CILK1: variants seen among roughly 807,000 people sequenced by gnomAD.
The protein encoded by CILK1 is serine/threonine-protein kinase ICK.
CILK1 carries 47 observed loss-of-function variants against 79.2 expected under a neutral mutation model. The ratio of observed to expected loss-of-function variants is 0.59; its 90% CI spans 0.47 to 0.76. CILK1 has a LOEUF of 0.76. CILK1 is among the 30% of genes least tolerant of loss of function. CILK1 has a pLI of 0.00. For missense variants in CILK1, 660 were observed against 769.5 expected, an observed-to-expected ratio of 0.86 and a Z score of 1.68; for synonymous variants, 266 against 275.9, an observed-to-expected ratio of 0.96 and a Z score of 0.36.
chr6:53,002,407 A>G lies in CILK1; in HGVS notation c.*2742T>C, dbSNP rs1237305528. Reference sequence around the variant, plus strand: ...TGATAGGTACAGTTACAGGTATATCATTTCTGTTGGTGTCTTACATTACAT... The same window carrying G: ...TGATAGGTACAGTTACAGGTATATCGTTTCTGTTGGTGTCTTACATTACAT... On this transcript the variant is annotated 3_prime_UTR_variant, in exon 14 of 14. Transcript: ENST00000676107. 6.6e-6 allele frequency: 1 copy of G among 152,184 alleles called. No homozygotes were observed. The highest frequency in any genetic ancestry group is 1.5e-5 in the Non-Finnish European group (1 of 68,034). The allele number at this position is 152,184 out of a possible 1,614,324, so 9.4% of individuals were successfully genotyped here. A position where few individuals can be genotyped will look rare whatever the true frequency, so the allele number is the denominator to read the frequency against.
In CILK1 at chr6:53,013,995, A is replaced by T. The variant is rs749681959; in HGVS notation, c.832-13T>A. The T allele has an allele frequency of 6.2e-7, 1 of 1,606,978 alleles. No individual in the cohort carries two copies. The highest frequency in any genetic ancestry group is 1.7e-5 in the Admixed American group (1 of 59,860). ...GATATCGAAGTGCCTGGAATGACAAATAAGGCTTTAGGAGAAAAGTCTAGC... is the reference window on the plus strand; with the variant it reads ...GATATCGAAGTGCCTGGAATGACAATTAAGGCTTTAGGAGAAAAGTCTAGC... On this transcript the variant is annotated splice_polypyrimidine_tract_variant and intron_variant, in intron 8 of 13. Transcript: ENST00000676107.
Position 53,037,950 on chromosome 6 carries a change from G to A in CILK1, c.145C>T (p.Arg49Trp), listed in dbSNP as rs757511087. 7.6e-6 allele frequency: 12 copies of A among 1,584,284 alleles called. No homozygotes were observed. The highest frequency in any genetic ancestry group is 4.0e-5 in the African/African-American group (3 of 74,226). Residue 49 changes from arginine (R) to tryptophan (W), a missense_variant, in exon 3 of 14, where the codon CGG becomes TGG. Arg to Trp is a moderately radical substitution (Grantham distance 101, BLOSUM62 -3). Transcript: ENST00000676107. ...FYSWEECMNL[R>W]EVKSLKKLNH... Reference sequence around the variant, plus strand: ...ATATTAATATATACCTTAACCTCCCGAAGGTTCATGCATTCCTCCCAGGAA... The same window carrying A: ...ATATTAATATATACCTTAACCTCCCAAAGGTTCATGCATTCCTCCCAGGAA...
At position 53,006,415 on chromosome 6, in the gene CILK1, A is replaced by G; in HGVS notation, c.1644T>C (p.Ser548=). The G allele has an allele frequency of 6.2e-7, 1 of 1,613,894 alleles. No individual in the cohort carries two copies. Among genetic ancestry groups the G allele is most frequent in the Non-Finnish European group, 8.5e-7 (1 of 1,179,790 alleles). Residue 548 remains serine, a synonymous_variant, in exon 13 of 14, where the codon TCT becomes TCC. Transcript: ENST00000676107. ...VNSVGSSSTS[S]SGLTGNYVPS... The stretch of plus-strand genomic sequence containing the variant: ...GGACATAGTTTCCAGTCAGTCCACT[A>G]GAACTTGTAGAGCTGGAACCAACTG...
chr6:53,005,826 C>T (rs1352782611), intron 13 of CILK1, among the ~76,000 whole-genome samples: 1 of 152,098 alleles, frequency 6.6e-6, no homozygotes, highest in African/African-American at 2.4e-5. Flanking sequence ...TTACAGGCAT[C>T]GTATCACCCC....
At chr6:53,006,203 G>C in intron 13 of CILK1, 112 bp downstream of exon 13, 1 of 966,372 alleles carries the variant, frequency 1.0e-6, no homozygotes, top group Non-Finnish European at 1.6e-6. Flanking sequence ...TGTCTGTAGA[G>C]TGCAAGTTTC....
intron 11 of CILK1, among the ~76,000 whole-genome samples, chr6:53,011,434 C>T (rs1453316554): frequency 6.6e-6 from 1 of 152,144 alleles, no homozygotes. Context: ...CCTGTCTCTA[C>T]TAAAAAATAC....
chr6:53,025,278 G>T (rs1170127796), intron 5 of CILK1, among the ~76,000 whole-genome samples: 1 of 151,974 alleles, frequency 6.6e-6, no homozygotes, highest in Non-Finnish European at 1.5e-5. Flanking sequence ...TGGGTCCTTT[G>T]TTCTGCAGCC....
At chr6:53,006,228 C>T in intron 13 of CILK1, 87 bp downstream of exon 13, 1 of 1,274,682 alleles carries the variant, frequency 7.8e-7, no homozygotes, top group South Asian at 1.2e-5. Flanking sequence ...ATTGGTGGAT[C>T]CCAGGCCTAA....
intron 1 of CILK1, among the ~76,000 whole-genome samples, chr6:53,061,334 G>A (rs1396498466): frequency 2.6e-5 from 4 of 152,220 alleles, no homozygotes; most frequent in Admixed American, 6.5e-5. Context: ...GCCCCGCAAC[G>A]AGGCTTCAAA....
chr6:53,023,866 A>C (rs1765404267), intron 5 of CILK1, among the ~76,000 whole-genome samples: 1 of 152,252 alleles, frequency 6.6e-6, no homozygotes, highest in African/African-American at 2.4e-5. Flanking sequence ...AGTAGCTGGC[A>C]TAGATGGACA....
At chr6:53,017,768 C>T (rs753663704) in intron 7 of CILK1, among the ~76,000 whole-genome samples, 6 of 152,058 alleles carry the variant, frequency 3.9e-5, no homozygotes, top group South Asian at 2.1e-4. Context: ...GATTTACCCA[C>T]CAACCGCTTA....
chr6:53,037,914 T>A, intron 3 of CILK1, 25 bp downstream of exon 3: 1 of 1,314,522 alleles, frequency 7.6e-7, no homozygotes, highest in East Asian at 2.3e-5. Context: ...ATCCATAAAT[T>A]ATTCCTTGGT....
chr6:53,014,971 C>G (rs74864918), intron 8 of CILK1, among the ~76,000 whole-genome samples: 1 of 152,184 alleles, frequency 6.6e-6, no homozygotes, highest in African/African-American at 2.4e-5. Context: ...ATTTCACCAC[C>G]AGAACTGCAT....
At chr6:53,026,165 T>G (rs1765560753) in intron 5 of CILK1, among the ~76,000 whole-genome samples, 1 of 152,180 alleles carries the variant, frequency 6.6e-6, no homozygotes, top group Non-Finnish European at 1.5e-5. Flanking sequence ...TTGTTTGTTT[T>G]TTGTTTTGTT....
intron 9 of CILK1, 98 bp from the exon 10 acceptor site, chr6:53,012,325 G>A: frequency 9.4e-7 from 1 of 1,069,178 alleles, no homozygotes; most frequent in Non-Finnish European, 1.4e-6. Context: ...ATGCAAAGGA[G>A]GCTCCTGGGG....
At chr6:53,013,268 T>C (rs1174429746) in intron 9 of CILK1, among the ~76,000 whole-genome samples, 1 of 152,220 alleles carries the variant, frequency 6.6e-6, no homozygotes, top group Admixed American at 6.5e-5. Context: ...TCATTAGTCC[T>C]CAAAGCAATT....
At chr6:53,011,468 G>A (rs1204254439) in intron 11 of CILK1, among the ~76,000 whole-genome samples, 2 of 152,078 alleles carry the variant, frequency 1.3e-5, no homozygotes, top group Non-Finnish European at 2.9e-5. Flanking sequence ...GCATGGTGGT[G>A]GGCACCTGTA....
At chr6:53,042,697 C>T (rs1384665081) in intron 1 of CILK1, among the ~76,000 whole-genome samples, 1 of 152,122 alleles carries the variant, frequency 6.6e-6, no homozygotes, top group East Asian at 1.9e-4. Flanking sequence ...ACTAGTATTC[C>T]TACAAAGTGT....
intron 7 of CILK1, among the ~76,000 whole-genome samples, chr6:53,016,927 T>C (rs1764924524): frequency 6.6e-6 from 1 of 152,262 alleles, no homozygotes; most frequent in Non-Finnish European, 1.5e-5. Context: ...GCAATACATA[T>C]AGCTTTTATC....
Sources: gnomAD v4.1 joint callset for allele counts (sites outside exome capture counted in the v4.1 genomes callset) on GRCh38, gnomAD v4.1.1 for gene constraint, MANE v1.5 for transcripts, NCBI Gene and HGNC (gene_info 2026-07-23, HGNC 2026-07-21) for gene names.